PLEKHA5: variants seen among roughly 807,000 people sequenced by gnomAD.
The protein encoded by PLEKHA5 is pleckstrin homology domain containing A5, also known as pleckstrin homology domain-containing family A member 5.
Under a neutral mutation model 181.9 loss-of-function variants are expected in PLEKHA5, and 55 were observed. The ratio of observed to expected loss-of-function variants is 0.30; its 90% CI spans 0.24 to 0.38. PLEKHA5 has a LOEUF of 0.38. Ranked by LOEUF, PLEKHA5 falls within the 10% of genes least tolerant of loss-of-function variation. The pLI is 1.00. For synonymous variants in PLEKHA5, 535 were observed against 529.4 expected (o/e 1.01, Z -0.15); for missense variants, 1,432 against 1,549.5 (o/e 0.92, Z 1.27).
At chr12:19,329,077 C>A (rs182935036) in intron 20 of PLEKHA5, among the ~76,000 whole-genome samples, 5 of 152,286 alleles carry the variant, frequency 3.3e-5, no homozygotes, top group African/African-American at 1.2e-4. Flanking sequence ...AAAGCCTTTT[C>A]CATGTCTACT....
chr12:19,151,199 C>A (rs1017813178), intron 3 of PLEKHA5: 20 of 152,120 alleles, frequency 1.3e-4, no homozygotes, highest in African/African-American at 4.6e-4. Context: ...CCTTAACAGC[C>A]AAGGTACTGA....
chr12:19,353,384 T>C (rs2094717440), intron 25 of PLEKHA5, among the ~76,000 whole-genome samples: 2 of 152,144 alleles, frequency 1.3e-5, no homozygotes, highest in South Asian at 4.1e-4. Flanking sequence ...CTTGAACTCC[T>C]GAGTTCAGGT....
At position 19,232,613 on chromosome 12, in the gene PLEKHA5, A is replaced by G. The variant is rs533238652; in HGVS notation, c.228-21327A>G. 4.5e-4 allele frequency among the ~76,000 whole-genome samples: 68 copies of G among 152,268 alleles called. No individual in the cohort carries two copies. The Middle Eastern group carries it at 0.014, about 30-fold the overall frequency. On this transcript the variant is annotated intron_variant, in intron 3 of 31. Transcript: ENST00000429027. ...AAGTTGTCACTCTCTGAGGAGGAAG[A>G]TTCTAGTGTATGAAGGGCTTTCTCA... is the stretch of plus-strand genomic sequence containing the variant.
chr12:19,239,851 T>C (rs1422270868), intron 3 of PLEKHA5, among the ~76,000 whole-genome samples: 1 of 152,170 alleles, frequency 6.6e-6, no homozygotes, highest in Non-Finnish European at 1.5e-5. Context: ...GCAAGATCAA[T>C]CCCTAATCGG....
chr12:19,359,276 T>C, intron 27 of PLEKHA5, 136 bp from the exon 28 acceptor site: 1 of 648,384 alleles, frequency 1.5e-6, no homozygotes, highest in Admixed American at 2.9e-5. Context: ...AAATTTTCTT[T>C]GTTAGTTTTC....
intron 25 of PLEKHA5, among the ~76,000 whole-genome samples, chr12:19,350,955 CTTTTTTTTT>C (rs35006570): frequency 8.9e-6 from 1 of 112,542 alleles, no homozygotes; most frequent in Non-Finnish European, 1.8e-5. Context: ...TATTCAAAGT[CTTTTTTTTT>C]TTTTTTTTTT....
At chr12:19,338,909 C>T (rs1345502587) in intron 21 of PLEKHA5, among the ~76,000 whole-genome samples, 1 of 151,664 alleles carries the variant, frequency 6.6e-6, no homozygotes, top group Non-Finnish European at 1.5e-5. Flanking sequence ...AAGAAATCAG[C>T]TACAAAAATG....
rs569160416 is a variant in PLEKHA5 at position 19,359,062 on chromosome 12, A to G, written c.3349-350A>G. 5.9e-5 allele frequency among the ~76,000 whole-genome samples: 9 copies of G among 152,352 alleles called. No homozygotes were observed. In the East Asian group the frequency reaches 1.7e-3, roughly 29 times the overall value. On this transcript the variant is annotated intron_variant, in intron 27 of 31. Transcript: ENST00000429027. ...GCAATAGTATCTTAAAAGTTTGTCT[A>G]TAATGGCATAAACTGAATGCATCAG...
rs111388628 is a variant in PLEKHA5, at chr12:19,305,950, C to G, written c.2038-8864C>G. On this transcript the variant is annotated intron_variant, in intron 15 of 31. Coordinates refer to ENST00000429027, the MANE Select transcript of PLEKHA5 (RefSeq NM_001256470.2). ...AAAAAATTGGCTGGACTTGGTGGCG[C>G]ACGCCTGTAATCCCAGCTACTCGGG... 7.5e-4 allele frequency among the ~76,000 whole-genome samples: 112 copies of G among 148,504 alleles called. 1 individual carries two copies. The highest frequency in any genetic ancestry group is 2.7e-3 in the African/African-American group (110 of 40,430).
intron 14 of PLEKHA5, 47 bp downstream of exon 14, chr12:19,290,843 T>G (rs1263444150): frequency 2.7e-6 from 4 of 1,486,938 alleles, no homozygotes; most frequent in Non-Finnish European, 3.6e-6. Flanking sequence ...TCATCTCTTA[T>G]TTTGAAACAC....
At chr12:19,154,656 T>C (rs2041258901) in intron 3 of PLEKHA5, 1 of 152,228 alleles carries the variant, frequency 6.6e-6, no homozygotes, top group South Asian at 2.1e-4. Context: ...TGCCTTTCAC[T>C]TTTTGTGTTT....
At chr12:19,195,387 A>AGAC (rs3983605) in intron 3 of PLEKHA5, among the ~76,000 whole-genome samples, 2 of 151,608 alleles carry the variant, frequency 1.3e-5, no homozygotes. Context: ...GATATAAAGT[A>AGAC]CGGGTGAGTG....
chr12:19,336,475 C>A, intron 20 of PLEKHA5, 40 bp from the exon 21 acceptor site: 1 of 1,038,290 alleles, frequency 9.6e-7, no homozygotes, highest in Non-Finnish European at 1.5e-6. Context: ...CATAAAAGCA[C>A]ATTTTCCCCA....
At chr12:19,188,310 C>G (rs1274279807) in intron 3 of PLEKHA5, among the ~76,000 whole-genome samples, 1 of 152,090 alleles carries the variant, frequency 6.6e-6, no homozygotes, top group African/African-American at 2.4e-5. Flanking sequence ...CCTACCTTCC[C>G]CCAAAATTGT....
chr12:19,342,682 C>T (rs905713198), intron 21 of PLEKHA5, among the ~76,000 whole-genome samples: 3 of 152,066 alleles, frequency 2.0e-5, no homozygotes, highest in Non-Finnish European at 2.9e-5. Flanking sequence ...GAAGCTGAGG[C>T]AGCAGAATCA....
rs142115447 is a variant in PLEKHA5 at position 19,365,965 on chromosome 12, C to T, written c.3610C>T (p.Pro1204Ser). Reference protein sequence around the residue: ...DKMPEDVTFSPQDETQTANHK... With the variant: ...DKMPEDVTFSSQDETQTANHK... ...TAAATACCAATCTATTTTCATCAGC[C>T]CTCAAGATGAAACACAGACCGCAAA... The change falls in exon 30 of 32, where the codon CCT (proline) becomes TCT (serine). Residue 1204 changes from proline to serine, a missense_variant and splice_region_variant. By Grantham distance (74) the Pro-to-Ser change is moderately conservative (BLOSUM62 -1). Around this residue, in one of 2 missense-constraint regions of PLEKHA5, gnomAD observed 1,143 missense variants for 1,168.4 expected, o/e 0.98. Transcript: ENST00000429027. The T allele has an allele frequency of 1.9e-4, 302 of 1,595,928 alleles. No individual in the cohort carries two copies. Among genetic ancestry groups the T allele is most frequent in the Non-Finnish European group, 4.3e-5 (50 of 1,173,988 alleles).
intron 8 of PLEKHA5, among the ~76,000 whole-genome samples, chr12:19,266,897 T>A (rs1261871680): frequency 6.6e-6 from 1 of 152,184 alleles, no homozygotes; most frequent in Non-Finnish European, 1.5e-5. Context: ...ATTGCAAAGA[T>A]GTTCTTGGGT....
At chr12:19,340,945 T>TAAAAAAAAAAA (rs58915493) in intron 21 of PLEKHA5, among the ~76,000 whole-genome samples, 1 of 62,776 alleles carries the variant, frequency 1.6e-5, no homozygotes, top group Non-Finnish European at 5.2e-5. Context: ...GAATGATCAA[T>TAAAAAAAAAAA]AAAAAAAAAA....
At chr12:19,232,034 G>A (rs1455695209) in intron 3 of PLEKHA5, among the ~76,000 whole-genome samples, 1 of 152,076 alleles carries the variant, frequency 6.6e-6, no homozygotes, top group African/African-American at 2.4e-5. Context: ...TGAAAACAAG[G>A]ACACGGGGAA....
Sources: allele counts gnomAD v4.1 joint callset (sites outside exome capture counted in the v4.1 genomes callset), GRCh38; gene constraint gnomAD v4.1.1; regional missense constraint gnomAD v4.1.1; transcripts MANE v1.5; gene names NCBI Gene and HGNC (gene_info 2026-07-23, HGNC 2026-07-21).